Variants in PHACTR3 observed in about 807,000 individuals in gnomAD.
The protein encoded by PHACTR3 is phosphatase and actin regulator 3.
Under a neutral mutation model 66.8 loss-of-function variants are expected in PHACTR3, and 16 were observed. That is an observed-to-expected ratio of 0.24 (90% CI 0.16 to 0.36). PHACTR3 has a LOEUF of 0.36. Ranked by LOEUF, PHACTR3 falls within the 10% of genes least tolerant of loss-of-function variation. PHACTR3 has a pLI of 1.00. For synonymous variants in PHACTR3, 323 were observed against 292.1 expected, an observed-to-expected ratio of 1.11 and a Z score of -1.08; for missense variants, 647 against 719.9, an observed-to-expected ratio of 0.90 and a Z score of 1.16.
chr20:59,598,989 G>A (rs1200598203), intron 1 of PHACTR3, among the ~76,000 whole-genome samples: 2 of 152,222 alleles, frequency 1.3e-5, no homozygotes, highest in Admixed American at 6.5e-5. Flanking sequence ...GGCTTGAGCA[G>A]TTCTTCTTAA....
intron 1 of PHACTR3, among the ~76,000 whole-genome samples, chr20:59,636,939 C>T (rs61179415): frequency 0.013 from 1,989 of 152,268 alleles, 40 homozygotes; most frequent in African/African-American, 0.045. Flanking sequence ...CTTTGCTTGC[C>T]AAGGGCCCTA....
chr20:59,824,032 C>A (rs2145433963), intron 8 of PHACTR3, among the ~76,000 whole-genome samples: 1 of 152,310 alleles, frequency 6.6e-6, no homozygotes. Context: ...ATGGCTGGAG[C>A]CACTGAAGGA....
At chr20:59,690,075 G>C (rs2037054260) in intron 1 of PHACTR3, among the ~76,000 whole-genome samples, 1 of 152,146 alleles carries the variant, frequency 6.6e-6, no homozygotes, top group Admixed American at 6.6e-5. Flanking sequence ...ATCTTTCAGT[G>C]GTTGCTCATG....
chr20:59,828,460 A>G (rs1001485114), intron 8 of PHACTR3, among the ~76,000 whole-genome samples: 2 of 152,160 alleles, frequency 1.3e-5, no homozygotes, highest in Non-Finnish European at 2.9e-5. Flanking sequence ...TTTGATTAAA[A>G]CTTAATTTCC....
At chr20:59,782,503 C>T (rs566326317) in intron 7 of PHACTR3, among the ~76,000 whole-genome samples, 3 of 152,294 alleles carry the variant, frequency 2.0e-5, no homozygotes, top group East Asian at 1.9e-4. Context: ...CCACCCACCT[C>T]GGCCTCTCAA....
chr20:59,812,244 C>T (rs544245219), intron 8 of PHACTR3, among the ~76,000 whole-genome samples: 2 of 152,330 alleles, frequency 1.3e-5, no homozygotes, highest in South Asian at 2.1e-4. Context: ...CCCCTTGGGG[C>T]GTTCTTTGCT....
chr20:59,675,018 A>G (rs1046476811), intron 1 of PHACTR3, among the ~76,000 whole-genome samples: 1 of 47,748 alleles, frequency 2.1e-5, no homozygotes, highest in African/African-American at 1.0e-4. Context: ...GTTCCTCCCC[A>G]TTCTCCTCCC....
chr20:59,845,043 A>G, intron 11 of PHACTR3, 146 bp from the exon 12 acceptor site: 2 of 549,862 alleles, frequency 3.6e-6, no homozygotes, highest in Non-Finnish European at 6.6e-6. Flanking sequence ...GGCAGTTTTA[A>G]TGATGAACCA....
intron 1 of PHACTR3, chr20:59,628,532 A>G (rs1600952975): frequency 1.4e-6 from 1 of 730,250 alleles, no homozygotes; most frequent in African/African-American, 1.9e-5. Flanking sequence ...GGCCACGTGC[A>G]GGCATTTCTG....
intron 1 of PHACTR3, among the ~76,000 whole-genome samples, chr20:59,673,961 C>A (rs1601065115): frequency 6.6e-6 from 1 of 152,216 alleles, no homozygotes; most frequent in African/African-American, 2.4e-5. Flanking sequence ...CCTGGCAGAG[C>A]AGCCCCGAAG....
intron 7 of PHACTR3, among the ~76,000 whole-genome samples, chr20:59,802,742 T>G (rs1366735215): frequency 6.6e-6 from 1 of 152,216 alleles, no homozygotes; most frequent in Non-Finnish European, 1.5e-5. Flanking sequence ...TCCTAAGCCC[T>G]GTCAGTTGTG....
intron 8 of PHACTR3, among the ~76,000 whole-genome samples, chr20:59,828,413 A>G (rs1363581142): frequency 6.6e-6 from 1 of 152,234 alleles, no homozygotes; most frequent in Non-Finnish European, 1.5e-5. Flanking sequence ...CAATCCAGCC[A>G]TGCCTGGCAC....
intron 1 of PHACTR3, among the ~76,000 whole-genome samples, chr20:59,592,672 C>T (rs962482901): frequency 6.6e-6 from 1 of 152,236 alleles, no homozygotes; most frequent in Non-Finnish European, 1.5e-5. Flanking sequence ...TCTGCAACCC[C>T]TGGCATCCAC....
At chr20:59,606,346 A>G (rs1312699893) in intron 1 of PHACTR3, among the ~76,000 whole-genome samples, 1 of 151,536 alleles carries the variant, frequency 6.6e-6, no homozygotes, top group Non-Finnish European at 1.5e-5. Context: ...CCGGGCAAGT[A>G]TTGGAAGATT....
At chr20:59,639,641 G>A (rs1324430759) in intron 1 of PHACTR3, among the ~76,000 whole-genome samples, 2 of 152,186 alleles carry the variant, frequency 1.3e-5, no homozygotes, top group Non-Finnish European at 2.9e-5. Context: ...CTTACTAGCT[G>A]TGTGGCTTTG....
chr20:59,646,310 A>C (rs985688249), intron 1 of PHACTR3, among the ~76,000 whole-genome samples: 3 of 152,222 alleles, frequency 2.0e-5, no homozygotes, highest in Non-Finnish European at 4.4e-5. Flanking sequence ...TGTTTTAAAA[A>C]ATTGGGTTGG....
At chr20:59,614,993 G>A (rs914529807) in intron 1 of PHACTR3, among the ~76,000 whole-genome samples, 1 of 152,150 alleles carries the variant, frequency 6.6e-6, no homozygotes, top group African/African-American at 2.4e-5. Flanking sequence ...CCTCCACGGT[G>A]TCAGGACTGT....
At chr20:59,688,800 A>G (rs1057357815) in intron 1 of PHACTR3, among the ~76,000 whole-genome samples, 4 of 152,144 alleles carry the variant, frequency 2.6e-5, no homozygotes, top group African/African-American at 9.7e-5. Context: ...CTTTTTCCTC[A>G]AACTGTGAGA....
Position 59,605,151 on chromosome 20 carries a change from GC to G in PHACTR3, c.118+20del. 2 of 1,296,892 alleles carry G rather than the reference GC, an allele frequency of 1.5e-6. No individual in the cohort carries two copies. Among genetic ancestry groups the G allele is most frequent in the South Asian group, 2.2e-5 (1 of 44,460 alleles). The allele number at this position is 1,296,892 out of a possible 1,614,324, so 80.3% of individuals were successfully genotyped here. On this transcript the variant is annotated intron_variant, in intron 1 of 12. Coordinates refer to ENST00000371015, the MANE Select transcript of PHACTR3 (RefSeq NM_080672.5). ...AACCCAGGTAACGGGCTGGGCGGGG[GC>G]GGCGGGCGGGTCGGGGAGGCCCGAG...
Sources: gnomAD v4.1 joint callset for allele counts (sites outside exome capture counted in the v4.1 genomes callset) on GRCh38, gnomAD v4.1.1 for gene constraint, MANE v1.5 for transcripts, NCBI Gene and HGNC (gene_info 2026-07-23, HGNC 2026-07-21) for gene names.